SEMA6D: variants seen among roughly 807,000 people sequenced by gnomAD.
SEMA6D encodes semaphorin-6D.
Under a neutral mutation model 106.6 loss-of-function variants are expected in SEMA6D, and 35 were observed. The observed-to-expected ratio is 0.33, with a 90% CI of 0.25 to 0.44. The LOEUF (loss-of-function observed/expected upper bound fraction) is 0.44. Among genes scored for constraint, SEMA6D ranks in the 20% least tolerant of loss-of-function variants. SEMA6D has a pLI of 1.00. For missense variants in SEMA6D, 1,185 were observed against 1,345.9 expected, an observed-to-expected ratio of 0.88 and a Z score of 1.87; for synonymous variants, 499 against 487.7, an observed-to-expected ratio of 1.02 and a Z score of -0.31.
At chr15:47,374,574 C>G (rs1290548488) in intron 1 of SEMA6D, among the ~76,000 whole-genome samples, 1 of 152,134 alleles carries the variant, frequency 6.6e-6, no homozygotes, top group African/African-American at 2.4e-5. Context: ...CCTGTGAAGG[C>G]TAGTTGTCAA....
chr15:47,294,080 G>T (rs1279918118), intron 1 of SEMA6D, among the ~76,000 whole-genome samples: 18 of 151,700 alleles, frequency 1.2e-4, no homozygotes, highest in African/African-American at 4.4e-4. Flanking sequence ...TGCCTGAAAA[G>T]AAATGTTGGA....
At chr15:47,333,957 A>C (rs1045114201) in intron 1 of SEMA6D, among the ~76,000 whole-genome samples, 7 of 152,212 alleles carry the variant, frequency 4.6e-5, no homozygotes, top group Non-Finnish European at 7.3e-5. Context: ...CCCTCATTCC[A>C]GAGATATTTC....
At chr15:47,599,665 GT>G (rs1421330298) in intron 3 of SEMA6D, among the ~76,000 whole-genome samples, 1 of 151,880 alleles carries the variant, frequency 6.6e-6, no homozygotes, top group Non-Finnish European at 1.5e-5. Context: ...TCCAGACCTT[GT>G]TTTTCTTTTT....
intron 3 of SEMA6D, among the ~76,000 whole-genome samples, chr15:47,595,810 A>G (rs372706357): frequency 2.6e-5 from 4 of 152,086 alleles, no homozygotes; most frequent in African/African-American, 9.7e-5. Flanking sequence ...GCTAAGTTAT[A>G]TGTGTCTATG....
intron 1 of SEMA6D, among the ~76,000 whole-genome samples, chr15:47,304,205 G>A (rs2036135828): frequency 6.6e-6 from 1 of 151,994 alleles, no homozygotes; most frequent in East Asian, 1.9e-4. Flanking sequence ...GCTCACACCT[G>A]TAATCCCAGC....
At chr15:47,305,410 T>A (rs1024154241) in intron 1 of SEMA6D, among the ~76,000 whole-genome samples, 4 of 152,140 alleles carry the variant, frequency 2.6e-5, no homozygotes, top group African/African-American at 7.2e-5. Flanking sequence ...GAACCAAAGC[T>A]CCTTTGTGAA....
At chr15:47,747,063 G>A (rs577855768) in intron 1 of SEMA6D, among the ~76,000 whole-genome samples, 2 of 150,512 alleles carry the variant, frequency 1.3e-5, no homozygotes, top group South Asian at 4.2e-4. Flanking sequence ...TTATATTGAT[G>A]TCTTAAGAGG....
upstream of SEMA6D, among the ~76,000 whole-genome samples, chr15:47,715,133 C>G (rs1310795080): frequency 6.6e-6 from 1 of 152,158 alleles, no homozygotes; most frequent in Admixed American, 6.5e-5. Context: ...AGAAATTAAA[C>G]TACATACCAA....
At chr15:47,599,740 C>G (rs751702467) in intron 3 of SEMA6D, among the ~76,000 whole-genome samples, 1 of 151,724 alleles carries the variant, frequency 6.6e-6, no homozygotes, top group Admixed American at 6.6e-5. Context: ...CTTTTATAAA[C>G]CCAGTCCACT....
At chr15:47,726,215 A>G (rs1439235400) in intron 1 of SEMA6D, among the ~76,000 whole-genome samples, 1 of 152,274 alleles carries the variant, frequency 6.6e-6, no homozygotes, top group Non-Finnish European at 1.5e-5. Flanking sequence ...TGTGCTTACC[A>G]TGTGCCATGG....
At chr15:47,304,888 C>T (rs917246962) in intron 1 of SEMA6D, among the ~76,000 whole-genome samples, 3 of 152,172 alleles carry the variant, frequency 2.0e-5, no homozygotes, top group Admixed American at 2.0e-4. Flanking sequence ...CAAATATATT[C>T]AACAACAATA....
chr15:47,731,228 G>A (rs2080100026), intron 1 of SEMA6D, among the ~76,000 whole-genome samples: 1 of 151,986 alleles, frequency 6.6e-6, no homozygotes, highest in Non-Finnish European at 1.5e-5. Flanking sequence ...AGCAGTAATT[G>A]CACCTCATTC....
At chr15:47,552,366 G>T (rs1156588218) in intron 3 of SEMA6D, among the ~76,000 whole-genome samples, 1 of 151,880 alleles carries the variant, frequency 6.6e-6, no homozygotes, top group African/African-American at 2.4e-5. Context: ...ATGGTAGTAG[G>T]TGATATATTT....
At chr15:47,746,388 C>T (rs2081133299) in intron 1 of SEMA6D, among the ~76,000 whole-genome samples, 1 of 152,232 alleles carries the variant, frequency 6.6e-6, no homozygotes, top group Non-Finnish European at 1.5e-5. Context: ...GCACTGGCTT[C>T]ACTACTCCTG....
intron 3 of SEMA6D, among the ~76,000 whole-genome samples, chr15:47,595,231 A>G (rs1278757302): frequency 6.6e-6 from 1 of 152,182 alleles, no homozygotes; most frequent in Non-Finnish European, 1.5e-5. Context: ...CCTTTATTGT[A>G]TTGAGGTACA....
chr15:47,739,373 A>G (rs2080653876), intron 1 of SEMA6D, among the ~76,000 whole-genome samples: 1 of 152,118 alleles, frequency 6.6e-6, no homozygotes, highest in Non-Finnish European at 1.5e-5. Flanking sequence ...TTCCACAACA[A>G]AGAATTCGGC....
At chr15:47,426,446 T>G (rs1235666517) in intron 2 of SEMA6D, among the ~76,000 whole-genome samples, 4 of 152,118 alleles carry the variant, frequency 2.6e-5, no homozygotes, top group African/African-American at 9.7e-5. Flanking sequence ...CAGGCAAGTA[T>G]TAGGATTAAT....
intron 4 of SEMA6D, among the ~76,000 whole-genome samples, chr15:47,709,731 TA>T (rs1004552340): frequency 6.6e-6 from 1 of 152,190 alleles, no homozygotes; most frequent in Non-Finnish European, 1.5e-5. Context: ...TCAGCCCTTG[TA>T]TATTTCTAGT....
At chr15:47,236,253 G>A (rs2032533124) in intron 1 of SEMA6D, among the ~76,000 whole-genome samples, 2 of 151,836 alleles carry the variant, frequency 1.3e-5, no homozygotes, top group South Asian at 2.1e-4. Flanking sequence ...ATTGATTATC[G>A]AAGAACAAGA....
Sources: gnomAD v4.1 joint callset for allele counts (sites outside exome capture counted in the v4.1 genomes callset) on GRCh38, gnomAD v4.1.1 for gene constraint, MANE v1.5 for transcripts, NCBI Gene and HGNC (gene_info 2026-07-23, HGNC 2026-07-21) for gene names.